GADL1: variants seen among roughly 807,000 people sequenced by gnomAD.
GADL1 encodes GAD like acidic amino acid decarboxylase 1.
In GADL1, 71 loss-of-function variants were observed where a neutral mutation model predicts 69.5. The observed-to-expected ratio is 1.02, with a 90% confidence interval of 0.84 to 1.25. The LOEUF is 1.25. Ranked by LOEUF, GADL1 falls within the 50% of genes most tolerant of loss-of-function variation. The pLI, the probability that GADL1 is intolerant of heterozygous loss-of-function variation, is 0.00. For missense variants in GADL1, 737 were observed against 631.8 expected, an observed-to-expected ratio of 1.17 and a Z score of -1.79; for synonymous variants, 254 against 214.4, an observed-to-expected ratio of 1.18 and a Z score of -1.62.
intron 11 of GADL1, among the ~76,000 whole-genome samples, chr3:30,808,987 TG>T (rs1697307203): frequency 6.6e-6 from 1 of 152,160 alleles, no homozygotes; most frequent in South Asian, 2.1e-4. Context: ...GACTAAACGG[TG>T]GTGGAGAGTG....
intron 1 of GADL1, among the ~76,000 whole-genome samples, chr3:30,891,605 G>A (rs201596989): frequency 2.3e-4 from 35 of 151,682 alleles, no homozygotes; most frequent in Admixed American, 2.2e-3. Flanking sequence ...TGGGTTTAAC[G>A]CCCAGAGCTG....
intron 13 of GADL1, among the ~76,000 whole-genome samples, chr3:30,780,700 CAG>C (rs1008361954): frequency 2.6e-5 from 4 of 152,120 alleles, no homozygotes; most frequent in Non-Finnish European, 5.9e-5. Flanking sequence ...TTTGCCCAAA[CAG>C]AAACTTACTA....
At chr3:30,884,499 A>G (rs1322221982) in intron 1 of GADL1, among the ~76,000 whole-genome samples, 2 of 152,022 alleles carry the variant, frequency 1.3e-5, no homozygotes, top group Non-Finnish European at 2.9e-5. Flanking sequence ...GGAAGTTACC[A>G]ACCTCAACCA....
At position 30,731,858 on chromosome 3, in the gene GADL1, A is replaced by G. The variant is rs72852527; in HGVS notation, c.1393-3443T>C. Among the ~76,000 whole-genome samples, 738 of 152,344 alleles carry G rather than the reference A, an allele frequency of 4.8e-3. 7 individuals carry two copies. The highest frequency in any genetic ancestry group is 0.016 in the African/African-American group (684 of 41,570). ...TGAATACTTCGCGGGAAAGAAAGTA[A>G]TAACATCAAAGCTGATATTCATCAA... On this transcript the variant is annotated intron_variant, in intron 14 of 14. Transcript: ENST00000282538.
intron 14 of GADL1, among the ~76,000 whole-genome samples, chr3:30,767,571 A>T (rs1696312942): frequency 6.6e-6 from 1 of 152,184 alleles, no homozygotes; most frequent in Non-Finnish European, 1.5e-5. Flanking sequence ...TGCATGATAC[A>T]CTAAAATAAC....
At position 30,739,563 on chromosome 3, in the gene GADL1, C is replaced by T. The variant is rs372974981; in HGVS notation, c.1393-11148G>A. 1.6e-4 allele frequency among the ~76,000 whole-genome samples: 24 copies of T among 152,302 alleles called. No individual in the cohort carries two copies. In the South Asian group the frequency reaches 5.0e-3, roughly 32 times the overall value. On this transcript the variant is annotated intron_variant, in intron 14 of 14. Coordinates refer to ENST00000282538, the MANE Select transcript of GADL1 (RefSeq NM_207359.3). ...CCACAGGATGTGTTCTCAGCTCTCC[C>T]TATACCTTCTCTTTGCATCTCTATT...
intron 14 of GADL1, among the ~76,000 whole-genome samples, chr3:30,743,836 T>C (rs908622812): frequency 1.2e-4 from 19 of 152,196 alleles, no homozygotes; most frequent in African/African-American, 2.9e-4. Context: ...TCTGTTCCAT[T>C]GCTAAGTGAC....
At chr3:30,754,868 T>C (rs951757380) in intron 14 of GADL1, among the ~76,000 whole-genome samples, 2 of 151,822 alleles carry the variant, frequency 1.3e-5, no homozygotes, top group East Asian at 1.9e-4. Flanking sequence ...TGATTTTTTT[T>C]CTGAAAGTCT....
chr3:30,867,061 C>A lies in GADL1; in HGVS notation c.38-5296G>T, dbSNP rs545510993. On this transcript the variant is annotated intron_variant, in intron 1 of 14. Transcript: ENST00000282538. ...CTCTGATCCTGAAATAATACAACCT[C>A]TCTGTGCCTGTTTTCTCATCTATAA... 2.6e-5 allele frequency among the ~76,000 whole-genome samples: 4 copies of A among 152,104 alleles called. No homozygotes were observed. In the South Asian group the frequency reaches 8.3e-4, roughly 32 times the overall value.
chr3:30,835,261 G>A (rs936729779), intron 9 of GADL1, among the ~76,000 whole-genome samples: 3 of 152,056 alleles, frequency 2.0e-5, no homozygotes, highest in African/African-American at 7.2e-5. Context: ...GGGGAGTATA[G>A]CATGTAGAAT....
At chr3:30,865,292 T>C (rs1698384419) in intron 1 of GADL1, among the ~76,000 whole-genome samples, 1 of 140,136 alleles carries the variant, frequency 7.1e-6, no homozygotes. Flanking sequence ...TTAATATATA[T>C]ATATATATAT....
chr3:30,787,162 T>C (rs1194374562), intron 12 of GADL1, among the ~76,000 whole-genome samples: 1 of 152,014 alleles, frequency 6.6e-6, no homozygotes, highest in Non-Finnish European at 1.5e-5. Flanking sequence ...AACCTGCACA[T>C]CCTGCGCATG....
intron 11 of GADL1, among the ~76,000 whole-genome samples, chr3:30,816,530 CTTTTTTTTTTTTTTTTTTTTT>C (rs773530741): frequency 2.2e-4 from 12 of 53,988 alleles, no homozygotes; most frequent in East Asian, 6.0e-4. Context: ...AATTTGTTTT[CTTTTTTTTTTTTTTTTTTTTT>C]TTTTTTTTTT....
intron 14 of GADL1, among the ~76,000 whole-genome samples, chr3:30,738,990 A>T (rs1695577703): frequency 6.6e-6 from 1 of 152,162 alleles, no homozygotes. Context: ...TTCCACTCTA[A>T]CAAGCCACTG....
chr3:30,742,319 C>G (rs1010723728), intron 14 of GADL1, among the ~76,000 whole-genome samples: 1 of 150,756 alleles, frequency 6.6e-6, no homozygotes, highest in East Asian at 1.9e-4. Context: ...TAGTTTTCTT[C>G]CATAGATATT....
intron 1 of GADL1, among the ~76,000 whole-genome samples, chr3:30,893,964 A>G (rs1328977802): frequency 2.6e-5 from 4 of 152,208 alleles, no homozygotes; most frequent in African/African-American, 9.6e-5. Context: ...GAATAACAAT[A>G]ATGATAACCT....
intron 6 of GADL1, among the ~76,000 whole-genome samples, chr3:30,849,517 T>C (rs1006142177): frequency 1.3e-5 from 2 of 151,150 alleles, no homozygotes; most frequent in East Asian, 3.9e-4. Context: ...AAATAAGAGA[T>C]GGAGAACTGT....
At chr3:30,826,570 C>T (rs773246319) in intron 11 of GADL1, among the ~76,000 whole-genome samples, 6 of 151,838 alleles carry the variant, frequency 4.0e-5, no homozygotes, top group Non-Finnish European at 7.4e-5. Context: ...GTGGCAGCCA[C>T]CCAAGAGTTT....
chr3:30,853,567 G>A (rs1698183002), intron 4 of GADL1, among the ~76,000 whole-genome samples: 1 of 152,104 alleles, frequency 6.6e-6, no homozygotes, highest in South Asian at 2.1e-4. Context: ...GCCCACAACT[G>A]AAAATGTAAT....
Sources: gnomAD v4.1 joint callset for allele counts (sites outside exome capture counted in the v4.1 genomes callset) on GRCh38, gnomAD v4.1.1 for gene constraint, MANE v1.5 for transcripts, NCBI Gene and HGNC (gene_info 2026-07-23, HGNC 2026-07-21) for gene names.